The following MECR variants were observed in gnomAD, a reference collection of about 807,000 sequenced individuals.
MECR encodes enoyl-[acyl-carrier-protein] reductase, mitochondrial.
A neutral mutation model predicts 49.1 loss-of-function variants in MECR; 37 were observed. That is an observed-to-expected ratio of 0.75 (90% CI 0.58 to 0.99). MECR has a LOEUF of 0.99. Ranked by LOEUF, MECR falls within the 50% of genes least tolerant of loss-of-function variation. The pLI is 0.00. For synonymous variants in MECR, 198 were observed against 191.1 expected, an observed-to-expected ratio of 1.04 and a Z score of -0.30; for missense variants, 470 against 479.6, an observed-to-expected ratio of 0.98 and a Z score of 0.19.
chr1:29,175,122 T>C, the MECR span, among the ~76,000 whole-genome samples: 13 of 150,966 alleles, frequency 8.6e-5, no homozygotes, highest in Non-Finnish European at 1.5e-5. Context: ...TCCTTCTCCA[T>C]ATAAAAAAAT....
In MECR at chr1:29,222,110, T is replaced by C. The variant is rs143974153; in HGVS notation, c.177-5425A>G. ...CTGTTAGGTATTTCTTTTCTTTTTT[T>C]TGAGACAGAGTCTCGCTTTGTCGCC... On this transcript the variant is annotated intron_variant, in intron 1 of 9. Transcript: ENST00000263702. Among the ~76,000 whole-genome samples the C allele has an allele frequency of 6.9e-3, 1,051 of 152,354 alleles. 16 individuals carry two copies. The highest frequency in any genetic ancestry group is 0.024 in the African/African-American group (1,014 of 41,578).
chr1:29,194,161 A>G lies in MECR; in HGVS notation c.983T>C (p.Ile328Thr), dbSNP rs201712564. Residue 328 changes from isoleucine to threonine, a missense_variant, in exon 10 of 10, where the codon ATC (isoleucine) becomes ACC (threonine). Transcript: ENST00000263702. The stretch of plus-strand genomic sequence containing the variant: ...GCGGATGAGATCGCACAGTGTGAGG[A>G]TCAGCTCCTTGAACTGGTCTGCGGG... ...DHSPDQFKEL[I>T]LTLCDLIRRG... is the part of the protein sequence containing the mutation. 6.2e-7 allele frequency: 1 copy of G among 1,611,024 alleles called. No individual in the cohort carries two copies. The highest frequency in any genetic ancestry group is 8.5e-7 in the Non-Finnish European group (1 of 1,178,626).
chr1:29,193,463 TGA>T lies in MECR; in HGVS notation c.*557_*558del, dbSNP rs1323510531. 17 of 162,264 alleles carry T rather than the reference TGA, an allele frequency of 1.0e-4. No individual in the cohort carries two copies. The highest frequency in any genetic ancestry group is 9.7e-4 in the Admixed American group (16 of 16,492). The allele number at this position is 162,264 out of a possible 1,614,324, so 10.1% of individuals were successfully genotyped here. On this transcript the variant is annotated 3_prime_UTR_variant, in exon 10 of 10. Transcript: ENST00000263702. Reference sequence around the variant, plus strand: ...GTCTCCAGTTAGAAGGGCAGTTCCATGAGAGTGAAGACCCCACGTCCAAGTTC... The same window carrying T: ...GTCTCCAGTTAGAAGGGCAGTTCCATGAGTGAAGACCCCACGTCCAAGTTC...
chr1:29,223,272 T>C (rs559615671), intron 1 of MECR: 26 of 985,192 alleles, frequency 2.6e-5, no homozygotes, highest in African/African-American at 3.5e-5. Context: ...TGTGATGCCA[T>C]ATGAAGTACA....
chr1:29,179,763 C>G, the MECR span, among the ~76,000 whole-genome samples: 1 of 152,148 alleles, frequency 6.6e-6, no homozygotes, highest in South Asian at 2.1e-4. Flanking sequence ...GAGTTTAAAG[C>G]GAAAGCAAAC....
chr1:29,209,679 A>G (rs1677470481), intron 3 of MECR, among the ~76,000 whole-genome samples: 1 of 152,144 alleles, frequency 6.6e-6, no homozygotes, highest in South Asian at 2.1e-4. Context: ...TCTTGTATGA[A>G]GAAGGGGTGA....
chr1:29,168,310 C>T, the MECR span, among the ~76,000 whole-genome samples: 1 of 150,576 alleles, frequency 6.6e-6, no homozygotes, highest in African/African-American at 2.4e-5. Flanking sequence ...GAATTACAGG[C>T]ATGAGCCACC....
the MECR span, among the ~76,000 whole-genome samples, chr1:29,185,133 GAAAC>G: frequency 5.9e-5 from 9 of 152,016 alleles, no homozygotes; most frequent in South Asian, 4.2e-4. Flanking sequence ...TCTCAAAAAA[GAAAC>G]AAACAAACAA....
rs776847248 is a variant in MECR, at chr1:29,201,964, G to C, written c.735C>G (p.Pro245=). Residue 245 remains proline (P), a synonymous_variant, in exon 6 of 10, where the codon CCC becomes CCG. Coordinates refer to ENST00000263702, the MANE Select transcript of MECR (RefSeq NM_016011.5). The surrounding 1 kb of genome is among the most constrained non-coding windows in gnomAD (Gnocchi z 4.3). ...HVITEEELRR[P]EMKNFFKDMP... Reference sequence around the variant, plus strand: ...GTACCTTAAAGAAGTTTTTCATTTCGGGCCTTCTTAGCTCCTCTTCTGTGA... The same window carrying C: ...GTACCTTAAAGAAGTTTTTCATTTCCGGCCTTCTTAGCTCCTCTTCTGTGA... 4 of 1,613,962 alleles carry C rather than the reference G, an allele frequency of 2.5e-6. No homozygotes were observed. The Admixed American group carries it at 6.7e-5, about 27-fold the overall frequency.
chr1:29,178,917 G>A, the MECR span, among the ~76,000 whole-genome samples: 1 of 152,120 alleles, frequency 6.6e-6, no homozygotes, highest in Admixed American at 6.5e-5. Context: ...AGGTCATATT[G>A]TGTGCTGTTT....
Position 29,200,521 on chromosome 1 carries a change from C to G in MECR, c.825G>C (p.Gln275His), listed in dbSNP as rs1488497102. The stretch of plus-strand genomic sequence containing the variant: ...TGCAGGCCCAAGGGACTTACGCTAA[C>G]TGCCGCAGCAGCTCTGTGGAGCTTT... ...GGKSSTELLRQLARGGTMVTY... is the reference protein window; with the variant it reads ...GGKSSTELLRHLARGGTMVTY... Residue 275 changes from glutamine (Q) to histidine (H), a missense_variant, in exon 7 of 10, where the codon CAG (glutamine) becomes CAC (histidine). Gln to His is a conservative substitution (Grantham distance 24). Coordinates refer to ENST00000263702, the MANE Select transcript of MECR (RefSeq NM_016011.5). 1 of 1,613,274 alleles carries G rather than the reference C, an allele frequency of 6.2e-7. No individual in the cohort carries two copies. The highest frequency in any genetic ancestry group is 1.7e-5 in the Admixed American group (1 of 60,016).
At chr1:29,214,647 C>T (rs1437582672) in intron 3 of MECR, among the ~76,000 whole-genome samples, 3 of 152,156 alleles carry the variant, frequency 2.0e-5, no homozygotes, top group Non-Finnish European at 4.4e-5. Context: ...AGGCGTGAGC[C>T]ACCACGCCTG....
At chr1:29,211,663 T>C (rs932266428) in intron 3 of MECR, among the ~76,000 whole-genome samples, 7 of 152,110 alleles carry the variant, frequency 4.6e-5, no homozygotes, top group African/African-American at 1.4e-4. Flanking sequence ...TCAAAGTAGC[T>C]GTGACTTAAA....
At chr1:29,197,221 G>A (rs978934242) in intron 7 of MECR, among the ~76,000 whole-genome samples, 1 of 152,228 alleles carries the variant, frequency 6.6e-6, no homozygotes, top group South Asian at 2.1e-4. Context: ...CGAGGCCTGA[G>A]TTCAGCCTTG....
At chr1:29,227,081 G>A (rs1464657514) in intron 1 of MECR, among the ~76,000 whole-genome samples, 3 of 150,390 alleles carry the variant, frequency 2.0e-5, no homozygotes, top group African/African-American at 7.3e-5. Flanking sequence ...CTCCTGCCTC[G>A]GTCTCCCGAG....
the MECR span, among the ~76,000 whole-genome samples, chr1:29,177,690 C>T: frequency 6.6e-6 from 1 of 152,052 alleles, no homozygotes; most frequent in African/African-American, 2.4e-5. Context: ...TTTGTGGTCC[C>T]AAACCATCTT....
At chr1:29,171,387 T>C in the MECR span, 1 of 148,608 alleles carries the variant, frequency 6.7e-6, no homozygotes, top group Non-Finnish European at 1.5e-5. Context: ...AGGGAAGCTT[T>C]GAATGTCAAT....
At chr1:29,181,876 A>C in the MECR span, 1 of 688,350 alleles carries the variant, frequency 1.5e-6, no homozygotes, top group Non-Finnish European at 2.1e-6. Flanking sequence ...ACGCAGCCGA[A>C]CCCCGGCGAC....
In MECR at chr1:29,211,024, G is replaced by A. The variant is rs925762518; in HGVS notation, c.407-4119C>T. Among the ~76,000 whole-genome samples the A allele has an allele frequency of 1.3e-5, 2 of 151,982 alleles. 1 individual carries two copies. Among genetic ancestry groups the A allele is most frequent in the Non-Finnish European group, 2.9e-5 (2 of 67,998 alleles). On this transcript the variant is annotated intron_variant, in intron 3 of 9. Transcript: ENST00000263702. Reference sequence around the variant, plus strand: ...CTTAACCATCTCCATTGTTGAACTTGGGGGTCAGCAAACTGTGGCCTGTGG... The same window carrying A: ...CTTAACCATCTCCATTGTTGAACTTAGGGGTCAGCAAACTGTGGCCTGTGG...
Sources: allele counts gnomAD v4.1 joint callset (sites outside exome capture counted in the v4.1 genomes callset), GRCh38; gene constraint gnomAD v4.1.1; non-coding constraint Gnocchi (gnomAD v3.1); transcripts MANE v1.5; gene names NCBI Gene and HGNC (gene_info 2026-07-23, HGNC 2026-07-21).